Variants in XYLT1 observed in about 807,000 individuals in gnomAD.
XYLT1 encodes the protein beta-D-xylosyltransferase 1.
A neutral mutation model predicts 91.3 loss-of-function variants in XYLT1; 36 were observed. The ratio of observed to expected loss-of-function variants is 0.39; its 90% CI spans 0.30 to 0.52. XYLT1 has a LOEUF of 0.52. XYLT1 is among the 20% of genes least tolerant of loss of function. The probability of loss-of-function intolerance (pLI) is 0.68; values close to 1 mark genes in which losing one functional copy is unlikely to be tolerated. For missense variants in XYLT1, 1,242 were observed against 1,284.5 expected (o/e 0.97, Z 0.51); for synonymous variants, 588 against 532.0 (o/e 1.11, Z -1.45).
At chr16:17,303,267 G>A (rs1334548693) in intron 2 of XYLT1, among the ~76,000 whole-genome samples, 1 of 152,098 alleles carries the variant, frequency 6.6e-6, no homozygotes, top group Non-Finnish European at 1.5e-5. Flanking sequence ...CCTCTTTTGC[G>A]AACCAAAGTT....
At chr16:17,429,443 T>C (rs146221865) in intron 1 of XYLT1, among the ~76,000 whole-genome samples, 93 of 152,324 alleles carry the variant, frequency 6.1e-4, no homozygotes, top group African/African-American at 2.2e-3. Flanking sequence ...GGCGAATTCT[T>C]AAGTTCTTTT....
intron 1 of XYLT1, among the ~76,000 whole-genome samples, chr16:17,380,034 TC>T (rs2035660080): frequency 6.6e-6 from 1 of 152,162 alleles, no homozygotes; most frequent in African/African-American, 2.4e-5. Context: ...ACACCTGTAA[TC>T]CCAGCATTTT....
intron 2 of XYLT1, among the ~76,000 whole-genome samples, chr16:17,336,819 G>T (rs112287831): frequency 6.6e-6 from 1 of 152,196 alleles, no homozygotes; most frequent in Non-Finnish European, 1.5e-5. Flanking sequence ...CTCTTCAGGG[G>T]CCAGAAACCC....
intron 6 of XYLT1, among the ~76,000 whole-genome samples, chr16:17,145,975 C>T (rs2031121346): frequency 6.6e-6 from 1 of 152,146 alleles, no homozygotes; most frequent in South Asian, 2.1e-4. Context: ...TTTGTGCCTC[C>T]CTTCCAGGTC....
At chr16:17,279,770 T>C (rs1216676153) in intron 2 of XYLT1, among the ~76,000 whole-genome samples, 2 of 152,118 alleles carry the variant, frequency 1.3e-5, no homozygotes, top group African/African-American at 2.4e-5. Flanking sequence ...TGCATATTAA[T>C]TACAGCCAAG....
Position 17,373,081 on chromosome 16 carries a change from C to T in XYLT1, c.364-15031G>A, listed in dbSNP as rs1248257481. 2.0e-5 allele frequency among the ~76,000 whole-genome samples: 3 copies of T among 152,174 alleles called. No homozygotes were observed. In the East Asian group the frequency reaches 5.8e-4, roughly 29 times the overall value. ...CTGTTAGCAATACATTCTCCAGTTA[C>T]TTGCCCTGCTATCTCATTAGCTGCC... is the stretch of plus-strand genomic sequence containing the variant. On this transcript the variant is annotated intron_variant, in intron 1 of 11. Transcript: ENST00000261381.
intron 1 of XYLT1, among the ~76,000 whole-genome samples, chr16:17,388,957 G>C (rs955655180): frequency 6.6e-5 from 10 of 152,168 alleles, no homozygotes; most frequent in Non-Finnish European, 1.3e-4. Flanking sequence ...TGAGCAGCCA[G>C]CTCATCCTTT....
chr16:17,116,442 A>G (rs1196847120), intron 11 of XYLT1, among the ~76,000 whole-genome samples: 2 of 152,198 alleles, frequency 1.3e-5, no homozygotes, highest in Non-Finnish European at 2.9e-5. Flanking sequence ...ATTATGATTT[A>G]TCTGTGATAT....
At chr16:17,292,002 C>T (rs865832937) in intron 2 of XYLT1, among the ~76,000 whole-genome samples, 4 of 151,932 alleles carry the variant, frequency 2.6e-5, no homozygotes, top group Admixed American at 6.6e-5. Context: ...GCCTGGGCAA[C>T]ATGGCAAAAC....
intron 1 of XYLT1, among the ~76,000 whole-genome samples, chr16:17,449,164 T>G (rs1021856630): frequency 4.6e-5 from 7 of 152,212 alleles, no homozygotes; most frequent in Non-Finnish European, 7.3e-5. Flanking sequence ...CTCCCTCTGA[T>G]GAAAGCAAGT....
At chr16:17,208,828 G>C (rs892379716) in intron 3 of XYLT1, among the ~76,000 whole-genome samples, 1 of 152,088 alleles carries the variant, frequency 6.6e-6, no homozygotes, top group African/African-American at 2.4e-5. Flanking sequence ...GGGTTCAAGC[G>C]ATTCTCCTGC....
chr16:17,244,656 C>G (rs749443999), intron 3 of XYLT1, among the ~76,000 whole-genome samples: 1 of 152,148 alleles, frequency 6.6e-6, no homozygotes, highest in African/African-American at 2.4e-5. Flanking sequence ...TTGTAGGTAG[C>G]AAATTAGCTT....
At chr16:17,300,814 T>G (rs2141811461) in intron 2 of XYLT1, among the ~76,000 whole-genome samples, 1 of 152,052 alleles carries the variant, frequency 6.6e-6, no homozygotes, top group South Asian at 2.1e-4. Context: ...ACCAGAACAA[T>G]CGATGAGCTA....
At chr16:17,276,882 C>T (rs906407785) in intron 2 of XYLT1, among the ~76,000 whole-genome samples, 3 of 152,158 alleles carry the variant, frequency 2.0e-5, no homozygotes, top group Middle Eastern at 3.2e-3. Flanking sequence ...ATCAAAACCT[C>T]GCAGGGCTAA....
intron 9 of XYLT1, among the ~76,000 whole-genome samples, chr16:17,128,844 CT>C (rs1161234520): frequency 6.6e-6 from 1 of 152,172 alleles, no homozygotes; most frequent in Non-Finnish European, 1.5e-5. Context: ...ATAGCTGCCG[CT>C]TCTGCAATGT....
intron 5 of XYLT1, among the ~76,000 whole-genome samples, chr16:17,178,735 G>A (rs1476799829): frequency 1.3e-5 from 2 of 152,126 alleles, no homozygotes; most frequent in African/African-American, 4.8e-5. Flanking sequence ...AGACATATAT[G>A]TACCACAAAA....
chr16:17,406,727 G>A (rs1032166038), intron 1 of XYLT1, among the ~76,000 whole-genome samples: 5 of 152,098 alleles, frequency 3.3e-5, no homozygotes, highest in Admixed American at 1.3e-4. Context: ...GGACCACAAC[G>A]CCCATTTAAA....
intron 2 of XYLT1, among the ~76,000 whole-genome samples, chr16:17,337,099 G>GT (rs34873215): frequency 6.6e-5 from 10 of 152,142 alleles, no homozygotes; most frequent in Admixed American, 1.3e-4. Context: ...GGTTTTTTGG[G>GT]TTTTTTTAAG....
intron 3 of XYLT1, among the ~76,000 whole-genome samples, chr16:17,223,751 A>G (rs951834440): frequency 3.3e-5 from 5 of 152,170 alleles, no homozygotes; most frequent in Non-Finnish European, 4.4e-5. Flanking sequence ...GACATTATAC[A>G]CTGGTGGCTG....
Sources: gnomAD v4.1 joint callset for allele counts (sites outside exome capture counted in the v4.1 genomes callset) on GRCh38, gnomAD v4.1.1 for gene constraint, MANE v1.5 for transcripts, NCBI Gene and HGNC (gene_info 2026-07-23, HGNC 2026-07-21) for gene names.